Variants in DCAF11 observed in about 807,000 individuals in gnomAD.
DCAF11 encodes DDB1- and CUL4-associated factor 11.
DCAF11 carries 44 observed loss-of-function variants against 76.1 expected under a neutral mutation model. The observed-to-expected ratio is 0.58, with a 90% CI of 0.45 to 0.74. DCAF11 has a LOEUF of 0.74. DCAF11 is among the 30% of genes least tolerant of loss of function. DCAF11 has a pLI of 0.00. For missense variants in DCAF11, 604 were observed against 709.4 expected, an observed-to-expected ratio of 0.85 and a Z score of 1.69; for synonymous variants, 258 against 255.0, an observed-to-expected ratio of 1.01 and a Z score of -0.11.
At chr14:24,119,483 G>T in intron 9 of DCAF11, 76 bp from the exon 10 acceptor site, 1 of 1,557,846 alleles carries the variant, frequency 6.4e-7, no homozygotes, top group South Asian at 1.1e-5. Context: ...TTTCTCAGTG[G>T]AACTCTCTAG....
intron 13 of DCAF11, 122 bp downstream of exon 13, chr14:24,121,639 T>A: frequency 9.1e-7 from 1 of 1,101,702 alleles, no homozygotes; most frequent in Non-Finnish European, 1.3e-6. Flanking sequence ...AAATCAAACT[T>A]AGCTTGGAGG....
In DCAF11 at chr14:24,114,917, C is replaced by A; in HGVS notation, c.-590C>A. ...CGCCGCTGCGGGTCCTGCGACCGCTCCTGGCTGGTGGGTGGTCTCGCGTGG... is the reference window on the plus strand; with the variant it reads ...CGCCGCTGCGGGTCCTGCGACCGCTACTGGCTGGTGGGTGGTCTCGCGTGG... On this transcript the variant is annotated 5_prime_UTR_variant, in exon 1 of 15. Coordinates refer to ENST00000446197, the MANE Select transcript of DCAF11 (RefSeq NM_025230.5). 2 of 986,038 alleles carry A rather than the reference C, an allele frequency of 2.0e-6. No homozygotes were observed. The highest frequency in any genetic ancestry group is 5.2e-4 in the Middle Eastern group (1 of 1,914). The allele number at this position is 986,038 out of a possible 1,614,324, so 61.1% of individuals were successfully genotyped here.
At chr14:24,115,830 G>T (rs553166944) in intron 2 of DCAF11, 81 bp downstream of exon 2, 5 of 1,526,522 alleles carry the variant, frequency 3.3e-6, no homozygotes, top group South Asian at 2.5e-5. Context: ...AATTACAGAG[G>T]TTAGGAAATG....
In DCAF11 at chr14:24,114,900, C is replaced by T. The variant is rs959920947; in HGVS notation, c.-607C>T. The T allele has an allele frequency of 4.1e-6, 4 of 985,842 alleles. No homozygotes were observed. Among genetic ancestry groups the T allele is most frequent in the African/African-American group, 1.7e-5 (1 of 57,256 alleles). The allele number at this position is 985,842 out of a possible 1,614,324, so 61.1% of individuals were successfully genotyped here. A position where few individuals can be genotyped will look rare whatever the true frequency, so the allele number is the denominator to read the frequency against. On this transcript the variant is annotated 5_prime_UTR_variant, in exon 1 of 15. Coordinates refer to ENST00000446197, the MANE Select transcript of DCAF11 (RefSeq NM_025230.5). Reference sequence around the variant, plus strand: ...GTGTAAACAAGGCCTCGCGCCGCTGCGGGTCCTGCGACCGCTCCTGGCTGG... The same window carrying T: ...GTGTAAACAAGGCCTCGCGCCGCTGTGGGTCCTGCGACCGCTCCTGGCTGG...
rs892722164 is a variant in DCAF11 at position 24,123,228 on chromosome 14, T to G, written c.1560T>G (p.Asp520Glu). 2.0e-5 allele frequency: 31 copies of G among 1,581,432 alleles called. No homozygotes were observed. The highest frequency in any genetic ancestry group is 2.6e-5 in the Non-Finnish European group (30 of 1,162,110). The change falls in exon 15 of 15, where the codon GAT becomes GAG. Residue 520 changes from aspartate (D) to glutamate (E), a missense_variant. Physicochemically the swap from Asp to Glu is conservative, Grantham distance 45. Transcript: ENST00000446197. Reference protein sequence around the residue: ...WQYRQAEYFQDDMPESEECAS... With the variant: ...WQYRQAEYFQEDMPESEECAS... ...ACCGCCAGGCTGAGTACTTCCAGGA[T>G]GACATGCCAGAATCTGAGGAATGTG...
At chr14:24,118,894 A>AG in intron 8 of DCAF11, 90 bp downstream of exon 8, 1 of 1,455,470 alleles carries the variant, frequency 6.9e-7, no homozygotes, top group Non-Finnish European at 9.6e-7. Flanking sequence ...AGTTCTGTTT[A>AG]GGGGAAAAAG....
rs2139025485 is a variant in DCAF11, at chr14:24,123,631, T to A, written c.*322T>A. ...TCATGTTTGAATGTTAGGGGTTGGA[T>A]CCTAGAGTAGATGCCTGAGGCCACA... is the stretch of plus-strand genomic sequence containing the variant. On this transcript the variant is annotated 3_prime_UTR_variant, in exon 15 of 15. Coordinates refer to ENST00000446197, the MANE Select transcript of DCAF11 (RefSeq NM_025230.5). 1 of 268,008 alleles carries A rather than the reference T, an allele frequency of 3.7e-6. No homozygotes were observed. The highest frequency in any genetic ancestry group is 1.3e-4 in the South Asian group (1 of 7,604). 16.6% of individuals were successfully genotyped at this position (268,008 alleles called of 1,614,324 possible).
chr14:24,118,028 A>G, intron 5 of DCAF11, 27 bp from the exon 6 acceptor site: 1 of 1,506,294 alleles, frequency 6.6e-7, no homozygotes, highest in Non-Finnish European at 9.2e-7. Context: ...AGCACCCCTC[A>G]CCCTCACTTT....
At chr14:24,121,151 C>G (rs897516410) in intron 12 of DCAF11, among the ~76,000 whole-genome samples, 160 bp downstream of exon 12, 1 of 152,116 alleles carries the variant, frequency 6.6e-6, no homozygotes, top group African/African-American at 2.4e-5. Context: ...GGGGGTCACT[C>G]AGAATCAACC....
chr14:24,123,181 G>A lies in DCAF11; in HGVS notation c.1513G>A (p.Gly505Arg), dbSNP rs373071680. The stretch of plus-strand genomic sequence containing the variant: ...GCCACCCTCTGCCCTGCAGTGGGAC[G>A]GGAACCTGCGTCTGTGGCAGTACCG... ...EEKIVSSSWD[G>R]NLRLWQYRQA... Residue 505 changes from glycine (G) to arginine (R), a missense_variant, in exon 15 of 15, where the codon GGG becomes AGG. By Grantham distance (125) the Gly-to-Arg change is moderately radical. Transcript: ENST00000446197. 3.4e-5 allele frequency: 55 copies of A among 1,610,620 alleles called. No individual in the cohort carries two copies. The highest frequency in any genetic ancestry group is 4.1e-5 in the Non-Finnish European group (48 of 1,177,642).
intron 7 of DCAF11, 56 bp from the exon 8 acceptor site, chr14:24,118,694 C>T (rs914917681): frequency 8.1e-6 from 13 of 1,606,800 alleles, no homozygotes; most frequent in South Asian, 2.2e-5. Flanking sequence ...CCTAGCTTCA[C>T]TTCCACTCTT....
Position 24,117,868 on chromosome 14 carries a change from C to A in DCAF11, c.476+136C>A. The A allele has an allele frequency of 9.6e-7, 1 of 1,046,052 alleles. No homozygotes were observed. Among genetic ancestry groups the A allele is most frequent in the Non-Finnish European group, 1.4e-6 (1 of 713,242 alleles). The allele number at this position is 1,046,052 out of a possible 1,614,324, so 64.8% of individuals were successfully genotyped here. A position where few individuals can be genotyped will look rare whatever the true frequency, so the allele number is the denominator to read the frequency against. On this transcript the variant is annotated intron_variant, in intron 5 of 14. Transcript: ENST00000446197. This position sits in a 1 kb window ranked among gnomAD's most constrained non-coding sequence, Gnocchi z 4.3. ...ATGGGGTTGAAACTTTGAGAGTAAA[C>A]AAAGTAGAAAAGTGTAGAAAATTGT...
chr14:24,118,270 A>G, intron 6 of DCAF11, 115 bp downstream of exon 6: 6 of 1,584,046 alleles, frequency 3.8e-6, no homozygotes, highest in South Asian at 3.3e-5. Flanking sequence ...ATGCTTAGCC[A>G]GACCATGTTT....
intron 11 of DCAF11, 25 bp downstream of exon 11, chr14:24,119,921 A>G: frequency 1.3e-6 from 2 of 1,579,068 alleles, no homozygotes; most frequent in Non-Finnish European, 1.7e-6. Context: ...AGGACTGTAC[A>G]GCCAGGCCGC....
Position 24,119,186 on chromosome 14 carries a change from C to T in DCAF11, c.821C>T (p.Ser274Phe). ...RRFAVFSIAV[S>F]SDGREVLGGA... ...TTTGCTGTCTTCTCCATTGCTGTCT[C>T]CTCAGATGGACGAGAAGTACTAGGA... is the stretch of plus-strand genomic sequence containing the variant. Residue 274 changes from serine to phenylalanine, a missense_variant, in exon 9 of 15, where the codon TCC becomes TTC. Transcript: ENST00000446197. The T allele has an allele frequency of 6.2e-7, 1 of 1,614,170 alleles. No individual in the cohort carries two copies. Among genetic ancestry groups the T allele is most frequent in the Non-Finnish European group, 8.5e-7 (1 of 1,180,028 alleles).
At position 24,123,873 on chromosome 14, in the gene DCAF11, T is replaced by C; in HGVS notation, c.*564T>C. 6.6e-6 allele frequency: 1 copy of C among 152,554 alleles called. No individual in the cohort carries two copies. Among genetic ancestry groups the C allele is most frequent in the Non-Finnish European group, 1.5e-5 (1 of 68,224 alleles). 9.5% of individuals were successfully genotyped at this position (152,554 alleles called of 1,614,324 possible). On this transcript the variant is annotated 3_prime_UTR_variant, in exon 15 of 15. Transcript: ENST00000446197. ...GGCTGTGGTATGAGAGGCAGGAGTC[T>C]CCACAAGGCTTCATGTGGCCCCTTA...
chr14:24,119,087 A>G (rs372080656), intron 8 of DCAF11, 58 bp from the exon 9 acceptor site: 204 of 1,604,852 alleles, frequency 1.3e-4, no homozygotes, highest in Non-Finnish European at 1.7e-4. Context: ...GTCAGATTTT[A>G]TGTAGATTAA....
rs2037745693 is a variant in DCAF11 at position 24,124,460 on chromosome 14, G to A, written c.*1151G>A. On this transcript the variant is annotated 3_prime_UTR_variant, in exon 15 of 15. Transcript: ENST00000446197. Reference sequence around the variant, plus strand: ...CAGAGCAAACCGATGGTCAGGGAGAGGGCTAGAGCTCACACCCAGCTCGGA... The same window carrying A: ...CAGAGCAAACCGATGGTCAGGGAGAAGGCTAGAGCTCACACCCAGCTCGGA... 2 of 152,260 alleles carry A rather than the reference G, an allele frequency of 1.3e-5. No homozygotes were observed. The highest frequency in any genetic ancestry group is 1.3e-4 in the Admixed American group (2 of 15,288). The allele number at this position is 152,260 out of a possible 1,614,324, so 9.4% of individuals were successfully genotyped here.
Position 24,123,178 on chromosome 14 carries a change from G to T in DCAF11, c.1510G>T (p.Asp504Tyr). ...CTTGCCACCCTCTGCCCTGCAGTGG[G>T]ACGGGAACCTGCGTCTGTGGCAGTA... ...FEEKIVSSSWDGNLRLWQYRQ... is the reference protein window; with the variant it reads ...FEEKIVSSSWYGNLRLWQYRQ... Residue 504 changes from aspartate to tyrosine, a missense_variant, in exon 15 of 15, where the codon GAC becomes TAC. Transcript: ENST00000446197. The T allele has an allele frequency of 1.2e-6, 2 of 1,611,770 alleles. No individual in the cohort carries two copies. Among genetic ancestry groups the T allele is most frequent in the Non-Finnish European group, 1.7e-6 (2 of 1,178,290 alleles).
Sources: allele counts gnomAD v4.1 joint callset (sites outside exome capture counted in the v4.1 genomes callset), GRCh38; gene constraint gnomAD v4.1.1; non-coding constraint Gnocchi (gnomAD v3.1); transcripts MANE v1.5; gene names NCBI Gene and HGNC (gene_info 2026-07-23, HGNC 2026-07-21).